SCN8A: variants seen among roughly 807,000 people sequenced by gnomAD.
SCN8A encodes the protein sodium voltage-gated channel alpha subunit 8.
A neutral mutation model predicts 184.1 loss-of-function variants in SCN8A; 30 were observed. The ratio of observed to expected loss-of-function variants is 0.16; its 90% CI spans 0.12 to 0.22. The LOEUF (loss-of-function observed/expected upper bound fraction) is 0.22. Among genes scored for constraint, SCN8A ranks in the 10% least tolerant of loss-of-function variants. SCN8A has a pLI of 1.00. For missense variants in SCN8A, 1,057 were observed against 2,498.9 expected (o/e 0.42, Z 12.30); for synonymous variants, 852 against 907.0 (o/e 0.94, Z 1.09).
At chr12:51,689,668 G>T (rs1941475212) in intron 6 of SCN8A, 1 of 152,758 alleles carries the variant, frequency 6.5e-6, no homozygotes, top group African/African-American at 2.4e-5. Context: ...ACTGCTGTCT[G>T]TCTCACTAGA....
chr12:51,770,157 CAAGTATAT>C, intron 18 of SCN8A, 172 bp downstream of exon 18: 1 of 619,048 alleles, frequency 1.6e-6, no homozygotes, highest in Non-Finnish European at 2.8e-6. Flanking sequence ...TTGTATCTGA[CAAGTATAT>C]AACAAGTTTC....
intron 11 of SCN8A, among the ~76,000 whole-genome samples, chr12:51,716,352 G>T (rs1941964218): frequency 1.3e-5 from 2 of 152,070 alleles, no homozygotes; most frequent in African/African-American, 4.8e-5. Context: ...ACCCTGTCTT[G>T]AAGAAAACAA....
At chr12:51,788,500 T>G (rs1938152634) in intron 22 of SCN8A, 195 bp from the exon 23 acceptor site, 1 of 386,998 alleles carries the variant, frequency 2.6e-6, no homozygotes, top group Non-Finnish European at 4.6e-6. Context: ...TTTGCCAAAC[T>G]TTGTTGTTAT....
intron 2 of SCN8A, among the ~76,000 whole-genome samples, chr12:51,679,208 G>A (rs1941282535): frequency 6.6e-6 from 1 of 152,146 alleles, no homozygotes; most frequent in Admixed American, 6.5e-5. Context: ...TTCGAGACCA[G>A]CCTGGACAAC....
At chr12:51,802,158 A>C (rs1037139092) in intron 26 of SCN8A, among the ~76,000 whole-genome samples, 6 of 152,198 alleles carry the variant, frequency 3.9e-5, no homozygotes, top group African/African-American at 7.2e-5. Context: ...GTCTAGTTAC[A>C]GGTCTAGAAA....
intron 12 of SCN8A, 140 bp downstream of exon 12, chr12:51,722,048 C>G (rs1459957600): frequency 1.5e-6 from 2 of 1,330,618 alleles, no homozygotes; most frequent in African/African-American, 2.9e-5. Flanking sequence ...CTGGACCCCA[C>G]TCCTGTTAAC....
intron 2 of SCN8A, among the ~76,000 whole-genome samples, chr12:51,677,398 T>A (rs984690772): frequency 5.9e-5 from 9 of 152,124 alleles, no homozygotes; most frequent in Non-Finnish European, 8.8e-5. Context: ...TGTTTTTTTT[T>A]AATTTACACT....
intron 26 of SCN8A, among the ~76,000 whole-genome samples, chr12:51,799,870 C>T (rs1318427736): frequency 1.3e-5 from 2 of 152,238 alleles, no homozygotes; most frequent in African/African-American, 4.8e-5. Context: ...CCCCTCAGCA[C>T]TGGGCCCCTA....
At chr12:51,631,328 C>G (rs1447842093) in intron 1 of SCN8A, among the ~76,000 whole-genome samples, 3 of 152,270 alleles carry the variant, frequency 2.0e-5, no homozygotes, top group East Asian at 1.9e-4. Flanking sequence ...AATATGCCCC[C>G]CAAGCAGTAT....
chr12:51,652,321 C>T (rs551516565), intron 1 of SCN8A, among the ~76,000 whole-genome samples: 6 of 152,144 alleles, frequency 3.9e-5, no homozygotes, highest in South Asian at 2.1e-4. Context: ...CTGGCTTAGG[C>T]TGTCATCTCT....
Position 51,702,715 on chromosome 12 carries a change from A to G in SCN8A, c.993-58A>G, listed in dbSNP as rs74091614. ...AGAATTATGTTATTTATTATCTCCA[A>G]GGTCATGGCTGGGTGGAATTATGTT... On this transcript the variant is annotated intron_variant, in intron 8 of 26. Transcript: ENST00000627620. The G allele has an allele frequency of 5.9e-3, 8,120 of 1,377,076 alleles. 378 individuals carry two copies. The African/African-American group carries it at 0.1, about 18-fold the overall frequency. 85.3% of individuals were successfully genotyped at this position (1,377,076 alleles called of 1,614,324 possible).
At chr12:51,760,841 C>G (rs752850591) in intron 14 of SCN8A, among the ~76,000 whole-genome samples, 2 of 152,078 alleles carry the variant, frequency 1.3e-5, no homozygotes, top group Non-Finnish European at 2.9e-5. Flanking sequence ...ATATGAACAC[C>G]GAAAACCTAT....
chr12:51,698,183 C>T (rs764768242), intron 6 of SCN8A, among the ~76,000 whole-genome samples: 1 of 152,176 alleles, frequency 6.6e-6, no homozygotes. Context: ...ATGAACCACA[C>T]TTAATCCTCA....
intron 20 of SCN8A, among the ~76,000 whole-genome samples, chr12:51,777,793 C>T (rs548031114): frequency 6.6e-6 from 1 of 152,290 alleles, no homozygotes; most frequent in Non-Finnish European, 1.5e-5. Context: ...TTATATGGTG[C>T]CTATAGCCAC....
intron 12 of SCN8A, among the ~76,000 whole-genome samples, chr12:51,730,260 C>G (rs1463750438): frequency 2.0e-5 from 3 of 152,186 alleles, no homozygotes; most frequent in African/African-American, 7.2e-5. Context: ...GATATCCAGT[C>G]TGTTAGCACC....
chr12:51,792,870 G>A (rs372364162), intron 25 of SCN8A, among the ~76,000 whole-genome samples: 1 of 152,118 alleles, frequency 6.6e-6, no homozygotes, highest in Non-Finnish European at 1.5e-5. Context: ...AGCCTCCCGA[G>A]TAGCTGGGAC....
At chr12:51,743,845 T>C (rs951329524) in intron 12 of SCN8A, among the ~76,000 whole-genome samples, 1 of 152,152 alleles carries the variant, frequency 6.6e-6, no homozygotes, top group African/African-American at 2.4e-5. Context: ...AGAGATTTCT[T>C]AGCACTTTGG....
At chr12:51,713,934 T>TA (rs1313572002) in intron 11 of SCN8A, among the ~76,000 whole-genome samples, 1 of 151,718 alleles carries the variant, frequency 6.6e-6, no homozygotes, top group Non-Finnish European at 1.5e-5. Flanking sequence ...AAATTATATA[T>TA]TTTTAAGAAA....
At chr12:51,679,970 C>G (rs1170845378) in intron 2 of SCN8A, among the ~76,000 whole-genome samples, 2 of 152,048 alleles carry the variant, frequency 1.3e-5, no homozygotes, top group Non-Finnish European at 2.9e-5. Context: ...GTGATCCACT[C>G]ACCTCGACCT....
Sources: allele counts gnomAD v4.1 joint callset (sites outside exome capture counted in the v4.1 genomes callset), GRCh38; gene constraint gnomAD v4.1.1; transcripts MANE v1.5; gene names NCBI Gene and HGNC (gene_info 2026-07-23, HGNC 2026-07-21).